SORCS2: variants seen among roughly 807,000 people sequenced by gnomAD.
SORCS2 encodes sortilin related VPS10 domain containing receptor 2, also known as VPS10 domain-containing receptor SorCS2.
A neutral mutation model predicts 141.6 loss-of-function variants in SORCS2; 100 were observed. The ratio of observed to expected loss-of-function variants is 0.71; its 90% CI spans 0.60 to 0.83. SORCS2 has a LOEUF of 0.83. Ranked by LOEUF, SORCS2 falls within the 40% of genes least tolerant of loss-of-function variation. SORCS2 has a pLI of 0.00. For missense variants in SORCS2, 1,646 were observed against 1,560.2 expected, an observed-to-expected ratio of 1.05 and a Z score of -0.93; for synonymous variants, 789 against 676.9, an observed-to-expected ratio of 1.17 and a Z score of -2.57.
intron 3 of SORCS2, among the ~76,000 whole-genome samples, chr4:7,554,957 G>A (rs1277525852): frequency 3.3e-5 from 5 of 152,308 alleles, no homozygotes; most frequent in Admixed American, 2.6e-4. Flanking sequence ...GGAGGCTCAG[G>A]TGCAAGTGCA....
At chr4:7,493,526 G>A (rs1032789672) in intron 2 of SORCS2, among the ~76,000 whole-genome samples, 3 of 152,200 alleles carry the variant, frequency 2.0e-5, no homozygotes, top group Admixed American at 6.5e-5. Context: ...GTTGGTGGTC[G>A]TGGTTCAACT....
At chr4:7,268,349 C>CT (rs1714885192) in intron 1 of SORCS2, among the ~76,000 whole-genome samples, 1 of 152,138 alleles carries the variant, frequency 6.6e-6, no homozygotes, top group Non-Finnish European at 1.5e-5. Flanking sequence ...TGTCAAAGGC[C>CT]TTTTCCTGGA....
chr4:7,671,794 G>A (rs1293165088), intron 8 of SORCS2, among the ~76,000 whole-genome samples: 1 of 152,106 alleles, frequency 6.6e-6, no homozygotes, highest in Non-Finnish European at 1.5e-5. Context: ...GAGACTATTT[G>A]AAGAAATAAT....
chr4:7,470,656 C>G (rs1006376651), intron 2 of SORCS2, among the ~76,000 whole-genome samples: 2 of 151,328 alleles, frequency 1.3e-5, no homozygotes, highest in Admixed American at 6.6e-5. Flanking sequence ...AGGTGATGAT[C>G]TGGGCGATGA....
At chr4:7,257,541 T>C (rs1228169488) in intron 1 of SORCS2, among the ~76,000 whole-genome samples, 2 of 152,106 alleles carry the variant, frequency 1.3e-5, no homozygotes. Context: ...CCCTTCTCCC[T>C]CTCCTGCCCC....
At chr4:7,685,204 A>G (rs1231195886) in intron 10 of SORCS2, among the ~76,000 whole-genome samples, 2 of 152,246 alleles carry the variant, frequency 1.3e-5, no homozygotes, top group Non-Finnish European at 2.9e-5. Flanking sequence ...GTCTGCGATT[A>G]TGCAGCTCAG....
At chr4:7,567,073 T>G (rs1225103782) in intron 3 of SORCS2, among the ~76,000 whole-genome samples, 1 of 152,242 alleles carries the variant, frequency 6.6e-6, no homozygotes, top group African/African-American at 2.4e-5. Flanking sequence ...ATTTTTGTAT[T>G]TATTTTTCAA....
At chr4:7,717,578 T>C (rs1726277946) in intron 17 of SORCS2, among the ~76,000 whole-genome samples, 1 of 152,162 alleles carries the variant, frequency 6.6e-6, no homozygotes, top group African/African-American at 2.4e-5. Context: ...GTGCCCATGG[T>C]TACGGCCACA....
intron 1 of SORCS2, among the ~76,000 whole-genome samples, chr4:7,351,295 C>T (rs538691020): frequency 5.3e-5 from 8 of 152,180 alleles, no homozygotes; most frequent in Non-Finnish European, 7.3e-5. Flanking sequence ...CTTGTCACAG[C>T]GGGTGTTATA....
intron 1 of SORCS2, among the ~76,000 whole-genome samples, chr4:7,310,244 T>G: frequency 6.6e-6 from 1 of 152,252 alleles, no homozygotes; most frequent in South Asian, 2.1e-4. Flanking sequence ...CCACAACTCA[T>G]GGAGGTAGAC....
At chr4:7,220,334 G>C (rs964044250) in intron 1 of SORCS2, among the ~76,000 whole-genome samples, 1 of 152,130 alleles carries the variant, frequency 6.6e-6, no homozygotes, top group African/African-American at 2.4e-5. Flanking sequence ...GTGAGCTCCT[G>C]CCGCTGAGTG....
chr4:7,206,267 G>T (rs1334196681), intron 1 of SORCS2, among the ~76,000 whole-genome samples: 1 of 152,118 alleles, frequency 6.6e-6, no homozygotes, highest in Non-Finnish European at 1.5e-5. Flanking sequence ...GGGCTCAGGG[G>T]CTTTGGTCTG....
intron 10 of SORCS2, among the ~76,000 whole-genome samples, chr4:7,685,929 G>T (rs1055775036): frequency 2.6e-5 from 4 of 152,120 alleles, no homozygotes; most frequent in Non-Finnish European, 4.4e-5. Context: ...GATACAGAAA[G>T]GTATAAAAAG....
intron 1 of SORCS2, among the ~76,000 whole-genome samples, chr4:7,232,563 C>T (rs933075344): frequency 2.0e-5 from 3 of 152,336 alleles, no homozygotes; most frequent in East Asian, 3.9e-4. Flanking sequence ...TGCCAAGCCT[C>T]GTGGTCCGTG....
At chr4:7,654,285 C>G in intron 5 of SORCS2, 78 bp downstream of exon 5, 1 of 1,418,766 alleles carries the variant, frequency 7.0e-7, no homozygotes, top group Non-Finnish European at 9.7e-7. Flanking sequence ...CTTGGGAGCC[C>G]ATCCCTGCAG....
chr4:7,216,003 T>A (rs1333163748), intron 1 of SORCS2, among the ~76,000 whole-genome samples: 1 of 151,956 alleles, frequency 6.6e-6, no homozygotes, highest in Admixed American at 6.5e-5. Context: ...GAAGCTTTGT[T>A]CTTTCGCTCT....
intron 2 of SORCS2, among the ~76,000 whole-genome samples, chr4:7,438,791 C>T (rs1354250914): frequency 6.6e-6 from 1 of 151,862 alleles, no homozygotes; most frequent in Non-Finnish European, 1.5e-5. Context: ...GTTCTCACTA[C>T]CCCTCCCTCC....
At chr4:7,199,938 A>T (rs1727394978) in intron 1 of SORCS2, among the ~76,000 whole-genome samples, 1 of 151,966 alleles carries the variant, frequency 6.6e-6, no homozygotes, top group Admixed American at 6.6e-5. Flanking sequence ...ACTCCCGGGG[A>T]ATGCGAGCAG....
At chr4:7,297,072 C>A (rs1717120935) in intron 1 of SORCS2, among the ~76,000 whole-genome samples, 1 of 147,656 alleles carries the variant, frequency 6.8e-6, no homozygotes, top group Non-Finnish European at 1.5e-5. Context: ...GTTGACCTCT[C>A]TCCTCAGAGT....
Sources: gnomAD v4.1 joint callset for allele counts (sites outside exome capture counted in the v4.1 genomes callset) on GRCh38, gnomAD v4.1.1 for gene constraint, MANE v1.5 for transcripts, NCBI Gene and HGNC (gene_info 2026-07-23, HGNC 2026-07-21) for gene names.